Variants in ALDH1A1 observed in about 807,000 individuals in gnomAD.
ALDH1A1 encodes aldehyde dehydrogenase 1A1.
ALDH1A1 carries 19 observed loss-of-function variants against 62.1 expected under a neutral mutation model. That is an observed-to-expected ratio of 0.31 (90% confidence interval 0.21 to 0.45). ALDH1A1 has a LOEUF of 0.45. ALDH1A1 is among the 20% of genes least tolerant of loss of function. The pLI, the probability that ALDH1A1 is intolerant of heterozygous loss-of-function variation, is 1.00. For missense variants in ALDH1A1, 521 were observed against 607.1 expected (o/e 0.86, Z 1.49); for synonymous variants, 231 against 215.9 (o/e 1.07, Z -0.61).
chr9:72,946,096 G>T (rs150577809), intron 1 of ALDH1A1, among the ~76,000 whole-genome samples: 10 of 152,062 alleles, frequency 6.6e-5, no homozygotes, highest in Middle Eastern at 3.4e-3. Flanking sequence ...AACAAAACTT[G>T]TCAGCAACTT....
intron 2 of ALDH1A1, among the ~76,000 whole-genome samples, chr9:72,936,889 A>T (rs991763477): frequency 6.6e-6 from 1 of 152,158 alleles, no homozygotes; most frequent in Non-Finnish European, 1.5e-5. Context: ...CGGTGGTTCA[A>T]GATGCATTCC....
rs1407507428 is a variant in ALDH1A1, at chr9:72,901,166, T to G, written c.*42A>C. 7.0e-7 allele frequency: 1 copy of G among 1,438,024 alleles called. No individual in the cohort carries two copies. The highest frequency in any genetic ancestry group is 9.8e-7 in the Non-Finnish European group (1 of 1,023,514). 89.1% of individuals were successfully genotyped at this position (1,438,024 alleles called of 1,614,324 possible). On this transcript the variant is annotated 3_prime_UTR_variant, in exon 13 of 13. Transcript: ENST00000297785. ...TACTATATTAGTGACTGTAAGGAGA[T>G]GCTTAGCTATTGAAGAGCTTCTCTC...
intron 1 of ALDH1A1, among the ~76,000 whole-genome samples, chr9:72,950,935 C>T (rs1830537222): frequency 1.3e-5 from 2 of 151,664 alleles, no homozygotes; most frequent in Admixed American, 6.6e-5. Context: ...ACAAAAAATG[C>T]GAAGGCATTT....
chr9:72,926,426 G>A lies in ALDH1A1; in HGVS notation c.504+690C>T, dbSNP rs555818762. Among the ~76,000 whole-genome samples, 37 of 152,176 alleles carry A rather than the reference G, an allele frequency of 2.4e-4. No individual in the cohort carries two copies. The South Asian group carries it at 6.9e-3, about 28-fold the overall frequency. ...GACCATTTCTTCACATAAGGACTTC[G>A]CTACCATTTTTTTGTTTGGCCTTTT... is the stretch of plus-strand genomic sequence containing the variant. On this transcript the variant is annotated intron_variant, in intron 5 of 12. Coordinates refer to ENST00000297785, the MANE Select transcript of ALDH1A1 (RefSeq NM_000689.5).
At chr9:72,913,329 A>G (rs1363781453) in intron 9 of ALDH1A1, among the ~76,000 whole-genome samples, 1 of 152,174 alleles carries the variant, frequency 6.6e-6, no homozygotes, top group East Asian at 1.9e-4. Flanking sequence ...ATATCCCAGA[A>G]GGAAAATATT....
chr9:72,919,150 C>T (rs1247173908), intron 7 of ALDH1A1, among the ~76,000 whole-genome samples: 2 of 152,072 alleles, frequency 1.3e-5, no homozygotes, highest in Non-Finnish European at 2.9e-5. Context: ...GCTGATTTTT[C>T]ATCAGCAAGA....
chr9:72,952,245 C>G (rs777613120), intron 1 of ALDH1A1, among the ~76,000 whole-genome samples: 1 of 151,906 alleles, frequency 6.6e-6, no homozygotes, highest in Admixed American at 6.6e-5. Flanking sequence ...ACTCTCAGAA[C>G]GACTCAAGCA....
intron 7 of ALDH1A1, among the ~76,000 whole-genome samples, chr9:72,923,647 G>T (rs8187938): frequency 0.011 from 1,670 of 152,180 alleles, 35 homozygotes; most frequent in African/African-American, 0.036. Flanking sequence ...CAAAGGGTGA[G>T]ACTCTACTAT....
At chr9:72,940,356 G>T in intron 1 of ALDH1A1, 104 bp from the exon 2 acceptor site, 1 of 788,374 alleles carries the variant, frequency 1.3e-6, no homozygotes, top group Non-Finnish European at 2.1e-6. Context: ...CCTAAATGAT[G>T]CACATCTCTT....
chr9:72,934,095 AT>A (rs1830318887), intron 2 of ALDH1A1, among the ~76,000 whole-genome samples: 1 of 152,114 alleles, frequency 6.6e-6, no homozygotes, highest in Non-Finnish European at 1.5e-5. Context: ...CGTCTGCCTA[AT>A]TTTTTTGTAG....
At chr9:72,932,775 C>G (rs1439251994) in intron 2 of ALDH1A1, among the ~76,000 whole-genome samples, 1 of 152,174 alleles carries the variant, frequency 6.6e-6, no homozygotes, top group East Asian at 1.9e-4. Context: ...AAAAAGCAAA[C>G]CACAAAAATC....
intron 9 of ALDH1A1, 100 bp from the exon 10 acceptor site, chr9:72,912,222 G>T: frequency 1.1e-6 from 1 of 912,164 alleles, no homozygotes; most frequent in Non-Finnish European, 1.6e-6. Flanking sequence ...CTAAAATATT[G>T]CAATTAAACC....
intron 7 of ALDH1A1, among the ~76,000 whole-genome samples, chr9:72,922,508 G>C (rs999832757): frequency 9.2e-5 from 14 of 152,244 alleles, no homozygotes; most frequent in Admixed American, 3.9e-4. Context: ...ATCTAGACCA[G>C]GGTTGTTCAA....
intron 2 of ALDH1A1, 78 bp from the exon 3 acceptor site, chr9:72,931,097 T>C: frequency 6.5e-7 from 1 of 1,529,806 alleles, no homozygotes; most frequent in Non-Finnish European, 9.0e-7. Context: ...CCCTGTAAAA[T>C]AGACTGTAGT....
intron 1 of ALDH1A1, among the ~76,000 whole-genome samples, chr9:72,944,740 A>G: frequency 6.6e-6 from 1 of 152,142 alleles, no homozygotes; most frequent in East Asian, 1.9e-4. Flanking sequence ...CTATAAAAGT[A>G]AAATATTCTT....
chr9:72,936,924 A>T (rs974014787), intron 2 of ALDH1A1, among the ~76,000 whole-genome samples: 1 of 152,176 alleles, frequency 6.6e-6, no homozygotes, highest in Non-Finnish European at 1.5e-5. Flanking sequence ...AACCAACAAC[A>T]TCAGCATTAC....
At chr9:72,912,207 A>G in intron 9 of ALDH1A1, 85 bp from the exon 10 acceptor site, 1 of 1,124,962 alleles carries the variant, frequency 8.9e-7, no homozygotes. Context: ...AAGGGCTTCA[A>G]AATGCTAAAA....
chr9:72,908,635 T>A (rs1278755894), intron 11 of ALDH1A1, among the ~76,000 whole-genome samples: 1 of 149,524 alleles, frequency 6.7e-6, no homozygotes, highest in African/African-American at 2.5e-5. Flanking sequence ...AAGAGAATAT[T>A]GCATAGGTCT....
chr9:72,933,455 C>T (rs984665711), intron 2 of ALDH1A1, among the ~76,000 whole-genome samples: 1 of 151,858 alleles, frequency 6.6e-6, no homozygotes, highest in Admixed American at 6.6e-5. Context: ...GGTGTGGTGG[C>T]GTGTGCCTGT....
Sources: gnomAD v4.1 joint callset for allele counts (sites outside exome capture counted in the v4.1 genomes callset) on GRCh38, gnomAD v4.1.1 for gene constraint, MANE v1.5 for transcripts, NCBI Gene and HGNC (gene_info 2026-07-23, HGNC 2026-07-21) for gene names.